Variants in PHLPP2 observed in about 807,000 individuals in gnomAD.
PHLPP2 encodes PH domain and leucine rich repeat protein phosphatase 2, also known as PH domain leucine-rich repeat-containing protein phosphatase 2.
In PHLPP2, 66 loss-of-function variants were observed where a neutral mutation model predicts 124.9. The observed-to-expected ratio is 0.53, with a 90% CI of 0.43 to 0.65. PHLPP2 has a LOEUF of 0.65. Ranked by LOEUF, PHLPP2 falls within the 30% of genes least tolerant of loss-of-function variation. PHLPP2 has a pLI of 0.00. For missense variants in PHLPP2, 1,685 were observed against 1,600.4 expected (o/e 1.05, Z -0.90); for synonymous variants, 681 against 624.7 (o/e 1.09, Z -1.34).
At chr16:71,680,422 T>C (rs901768872) in intron 6 of PHLPP2, among the ~76,000 whole-genome samples, 1 of 152,368 alleles carries the variant, frequency 6.6e-6, no homozygotes, top group African/African-American at 2.4e-5. Flanking sequence ...AAATAATTTT[T>C]AGTGCTTCTA....
chr16:71,683,366 A>G (rs2045021793), intron 5 of PHLPP2, among the ~76,000 whole-genome samples: 1 of 152,212 alleles, frequency 6.6e-6, no homozygotes, highest in Non-Finnish European at 1.5e-5. Flanking sequence ...ATATAGGAAT[A>G]ATGGTTTGTG....
At chr16:71,682,010 A>G (rs1276557942) in intron 5 of PHLPP2, 105 bp from the exon 6 acceptor site, 2 of 632,798 alleles carry the variant, frequency 3.2e-6, no homozygotes, top group African/African-American at 5.9e-5. Context: ...TTAAAAAGAT[A>G]GGAAAAAAAA....
chr16:71,662,759 G>A (rs562628269), intron 13 of PHLPP2, among the ~76,000 whole-genome samples: 6 of 151,780 alleles, frequency 4.0e-5, no homozygotes, highest in South Asian at 2.1e-4. Flanking sequence ...ATGGTGGCAT[G>A]TGTCTGCAGT....
intron 17 of PHLPP2, among the ~76,000 whole-genome samples, chr16:71,653,557 C>T (rs773724634): frequency 6.6e-6 from 1 of 152,176 alleles, no homozygotes; most frequent in East Asian, 1.9e-4. Context: ...GGCATCCACG[C>T]GTCTGTACTT....
chr16:71,682,193 T>C (rs1483603646), intron 5 of PHLPP2, among the ~76,000 whole-genome samples: 2 of 151,336 alleles, frequency 1.3e-5, no homozygotes, highest in African/African-American at 4.8e-5. Flanking sequence ...CAAGAAGTAA[T>C]CTTTTTTGTT....
At chr16:71,710,268 G>A (rs911568169) in intron 2 of PHLPP2, among the ~76,000 whole-genome samples, 1 of 152,158 alleles carries the variant, frequency 6.6e-6, no homozygotes, top group East Asian at 1.9e-4. Flanking sequence ...AAGGTGGGAG[G>A]GTTACAGGGT....
In PHLPP2 at chr16:71,667,201, G is replaced by A; in HGVS notation, c.1761C>T (p.Asp587=). ...ACTTTAAGGCCTTGGAGAAGAGGGTGTCTGGCAGCCTCGTGAGTGCATTAT... is the reference window on the plus strand; with the variant it reads ...ACTTTAAGGCCTTGGAGAAGAGGGTATCTGGCAGCCTCGTGAGTGCATTAT... ...LQHNALTRLP[D]TLFSKALNLR... The change falls in exon 12 of 19, where the codon GAC becomes GAT. Residue 587 remains aspartate (D), a synonymous_variant. Transcript: ENST00000568954. 4 of 1,613,516 alleles carry A rather than the reference G, an allele frequency of 2.5e-6. No individual in the cohort carries two copies. The highest frequency in any genetic ancestry group is 3.4e-6 in the Non-Finnish European group (4 of 1,179,802).
At chr16:71,701,068 C>T (rs1342934780) in intron 3 of PHLPP2, among the ~76,000 whole-genome samples, 2 of 151,986 alleles carry the variant, frequency 1.3e-5, no homozygotes, top group Non-Finnish European at 2.9e-5. Context: ...GTGAGTGAAC[C>T]GTGTTGAAAG....
chr16:71,655,578 C>T, intron 16 of PHLPP2, 144 bp from the exon 17 acceptor site: 1 of 589,870 alleles, frequency 1.7e-6, no homozygotes, highest in East Asian at 2.9e-5. Context: ...TCTTGCCTCA[C>T]TGCAAGCTCC....
At chr16:71,692,163 A>G (rs1245618880) in intron 3 of PHLPP2, among the ~76,000 whole-genome samples, 1 of 151,542 alleles carries the variant, frequency 6.6e-6, no homozygotes, top group Non-Finnish European at 1.5e-5. Flanking sequence ...CCCGCCTCCC[A>G]GCTTCATGCC....
At chr16:71,667,128 C>T in intron 12 of PHLPP2, 50 bp downstream of exon 12, 1 of 1,473,226 alleles carries the variant, frequency 6.8e-7, no homozygotes, top group Non-Finnish European at 9.4e-7. Context: ...TCACTGCAGT[C>T]TGTTTAGCCA....
chr16:71,717,382 A>C (rs975094839), intron 1 of PHLPP2, among the ~76,000 whole-genome samples: 2 of 152,238 alleles, frequency 1.3e-5, no homozygotes, highest in Non-Finnish European at 2.9e-5. Flanking sequence ...AAAACTGATC[A>C]TTTTGCAGAT....
At position 71,658,693 on chromosome 16, in the gene PHLPP2, ATGT is replaced by A; in HGVS notation, c.2105_2107del (p.Asn702del). On this transcript the variant is annotated inframe_deletion, in exon 14 of 19. Coordinates refer to ENST00000568954, the MANE Select transcript of PHLPP2 (RefSeq NM_015020.3). ...CTGCAGTATTTCTGGGAAAATGCTG[ATGT>A]TGTTGGAGTGTGCAACAAGGGTGTG... 2.5e-6 allele frequency: 4 copies of A among 1,614,196 alleles called. No individual in the cohort carries two copies. Among genetic ancestry groups the A allele is most frequent in the Non-Finnish European group, 2.5e-6 (3 of 1,180,036 alleles).
At chr16:71,672,901 T>C (rs1056213519) in intron 9 of PHLPP2, among the ~76,000 whole-genome samples, 1 of 152,264 alleles carries the variant, frequency 6.6e-6, no homozygotes, top group Non-Finnish European at 1.5e-5. Context: ...TATGTAAACA[T>C]ATGCATGCAG....
chr16:71,702,002 G>C (rs1412091204), intron 3 of PHLPP2, among the ~76,000 whole-genome samples: 2 of 152,056 alleles, frequency 1.3e-5, no homozygotes, highest in Admixed American at 6.6e-5. Flanking sequence ...AGTGGATAAG[G>C]GGGGACTACC....
intron 9 of PHLPP2, 33 bp downstream of exon 9, chr16:71,676,414 G>A (rs771701612): frequency 1.9e-6 from 3 of 1,569,554 alleles, no homozygotes; most frequent in African/African-American, 2.7e-5. Flanking sequence ...ACAGCTGAAA[G>A]AGAAAAAACA....
chr16:71,712,479 T>A (rs2045330386), intron 2 of PHLPP2, among the ~76,000 whole-genome samples: 1 of 152,198 alleles, frequency 6.6e-6, no homozygotes, highest in Middle Eastern at 3.2e-3. Context: ...TTTGTATACA[T>A]AAACATTACT....
intron 1 of PHLPP2, 133 bp from the exon 2 acceptor site, chr16:71,714,934 A>G: frequency 9.2e-7 from 1 of 1,082,376 alleles, no homozygotes; most frequent in Non-Finnish European, 1.3e-6. Context: ...TTTGTGGAGC[A>G]CTTCACATCT....
chr16:71,666,549 A>C (rs1179844147), intron 12 of PHLPP2, among the ~76,000 whole-genome samples: 2 of 152,114 alleles, frequency 1.3e-5, no homozygotes, highest in Admixed American at 1.3e-4. Context: ...CCCCACAAAA[A>C]ACAAATAAAC....
Sources: allele counts gnomAD v4.1 joint callset (sites outside exome capture counted in the v4.1 genomes callset), GRCh38; gene constraint gnomAD v4.1.1; transcripts MANE v1.5; gene names NCBI Gene and HGNC (gene_info 2026-07-23, HGNC 2026-07-21).